The following SLC9A9 variants were observed in gnomAD, a reference collection of about 807,000 sequenced individuals.
SLC9A9 encodes the protein sodium/hydrogen exchanger 9.
In SLC9A9, 62 loss-of-function variants were observed where a neutral mutation model predicts 77.8. The ratio of observed to expected loss-of-function variants is 0.80; its 90% confidence interval spans 0.65 to 0.98. The LOEUF is 0.98. SLC9A9 is among the 50% of genes least tolerant of loss of function. The probability of loss-of-function intolerance (pLI) is 0.00; values close to 1 mark genes in which losing one functional copy is unlikely to be tolerated. For synonymous variants in SLC9A9, 320 were observed against 283.5 expected, an observed-to-expected ratio of 1.13 and a Z score of -1.29; for missense variants, 775 against 774.9, an observed-to-expected ratio of 1.00 and a Z score of 0.00.
intron 12 of SLC9A9, among the ~76,000 whole-genome samples, chr3:143,426,363 A>G (rs1176009312): frequency 6.6e-6 from 1 of 152,226 alleles, no homozygotes; most frequent in African/African-American, 2.4e-5. Context: ...TCACTAGTAT[A>G]GAACTATTTT....
chr3:143,539,329 T>G (rs2036646662), intron 9 of SLC9A9, among the ~76,000 whole-genome samples: 2 of 152,218 alleles, frequency 1.3e-5, no homozygotes, highest in African/African-American at 4.8e-5. Context: ...ATTTTTGAGC[T>G]GTGCCTCCAG....
At chr3:143,809,236 G>A (rs1321222099) in intron 2 of SLC9A9, among the ~76,000 whole-genome samples, 1 of 152,134 alleles carries the variant, frequency 6.6e-6, no homozygotes, top group Non-Finnish European at 1.5e-5. Flanking sequence ...TGCAAAAATC[G>A]GGTTAATCAC....
At chr3:143,463,454 G>T (rs1325750554) in intron 12 of SLC9A9, among the ~76,000 whole-genome samples, 1 of 152,142 alleles carries the variant, frequency 6.6e-6, no homozygotes, top group Admixed American at 6.5e-5. Flanking sequence ...GCAACCATTT[G>T]GTCGATAATC....
chr3:143,448,191 A>C (rs1485839614), intron 12 of SLC9A9, among the ~76,000 whole-genome samples: 1 of 152,174 alleles, frequency 6.6e-6, no homozygotes, highest in Non-Finnish European at 1.5e-5. Flanking sequence ...GCATAGCTCG[A>C]AAGATGAATG....
intron 9 of SLC9A9, among the ~76,000 whole-genome samples, chr3:143,529,119 G>GT (rs1366863703): frequency 1.5e-4 from 23 of 152,304 alleles, no homozygotes; most frequent in Admixed American, 1.4e-3. Flanking sequence ...GTGAGCTAAG[G>GT]TGCTTGAGGG....
At chr3:143,626,653 T>C (rs996057497) in intron 6 of SLC9A9, 5 of 151,984 alleles carry the variant, frequency 3.3e-5, no homozygotes, top group Admixed American at 1.3e-4. Flanking sequence ...CATTTGGAGA[T>C]ATACCTAATG....
intron 9 of SLC9A9, among the ~76,000 whole-genome samples, chr3:143,523,748 T>A (rs902414388): frequency 5.9e-5 from 9 of 152,146 alleles, no homozygotes; most frequent in Non-Finnish European, 1.2e-4. Context: ...GTCCAGCCCA[T>A]AGGGATTCCC....
chr3:143,670,643 T>C (rs1463394977), intron 5 of SLC9A9, among the ~76,000 whole-genome samples: 1 of 152,178 alleles, frequency 6.6e-6, no homozygotes, highest in African/African-American at 2.4e-5. Context: ...TGGCTTGAGG[T>C]ACAGGAGACC....
chr3:143,501,273 A>G (rs193077885), intron 9 of SLC9A9, among the ~76,000 whole-genome samples: 1 of 150,976 alleles, frequency 6.6e-6, no homozygotes, highest in East Asian at 1.9e-4. Context: ...TCTAAGATCT[A>G]TTGTTAAATA....
chr3:143,447,478 A>T (rs1263569726), intron 12 of SLC9A9, among the ~76,000 whole-genome samples: 1 of 152,226 alleles, frequency 6.6e-6, no homozygotes, highest in Non-Finnish European at 1.5e-5. Context: ...TAACCTTAAA[A>T]AAATAAAACA....
intron 14 of SLC9A9, among the ~76,000 whole-genome samples, chr3:143,284,722 A>G (rs1175886804): frequency 1.3e-5 from 2 of 152,176 alleles, no homozygotes; most frequent in Non-Finnish European, 2.9e-5. Context: ...CTCAGTGTCT[A>G]AACATTCTCC....
At chr3:143,530,015 G>A (rs576945547) in intron 9 of SLC9A9, among the ~76,000 whole-genome samples, 5 of 152,114 alleles carry the variant, frequency 3.3e-5, no homozygotes, top group Non-Finnish European at 7.4e-5. Context: ...TTAGAACCCT[G>A]GGAAAGCAGC....
chr3:143,480,691 T>C (rs1222213196), intron 11 of SLC9A9, among the ~76,000 whole-genome samples: 1 of 152,174 alleles, frequency 6.6e-6, no homozygotes, highest in Non-Finnish European at 1.5e-5. Context: ...TCTTCTTAAA[T>C]GGAGAAAGTC....
intron 13 of SLC9A9, among the ~76,000 whole-genome samples, chr3:143,370,729 T>C (rs1299665690): frequency 6.7e-6 from 1 of 149,330 alleles, no homozygotes; most frequent in Non-Finnish European, 1.5e-5. Flanking sequence ...ATTTAGTATT[T>C]TGTATGTGTC....
chr3:143,776,790 C>T (rs2007706081), intron 4 of SLC9A9, among the ~76,000 whole-genome samples: 1 of 151,986 alleles, frequency 6.6e-6, no homozygotes, highest in African/African-American at 2.4e-5. Context: ...ATTTTATTTC[C>T]CCTTTGACAT....
At chr3:143,694,380 T>C (rs1297290788) in intron 4 of SLC9A9, among the ~76,000 whole-genome samples, 3 of 152,132 alleles carry the variant, frequency 2.0e-5, no homozygotes, top group African/African-American at 7.2e-5. Context: ...AACCTGAATA[T>C]CCATGAGGTA....
rs556008993 is a variant in SLC9A9, at chr3:143,266,355, G to A, written c.*347C>T. 5.7e-5 allele frequency: 32 copies of A among 556,738 alleles called. No individual in the cohort carries two copies. The highest frequency in any genetic ancestry group is 9.0e-5 in the Non-Finnish European group (28 of 312,614). 34.5% of individuals were successfully genotyped at this position (556,738 alleles called of 1,614,324 possible). A position where few individuals can be genotyped will look rare whatever the true frequency, so the allele number is the denominator to read the frequency against. On this transcript the variant is annotated 3_prime_UTR_variant, in exon 16 of 16. Transcript: ENST00000316549. The stretch of plus-strand genomic sequence containing the variant: ...GGAGGGAATAAAATCCAGAATAGAA[G>A]TGAAGGGCCTGGAGAGCCGCATTCG...
Position 143,467,108 on chromosome 3 carries a change from C to A in SLC9A9, c.1398G>T (p.Leu466=). ...QPKQMMFTTT[L]LLVFFTVWVF... is the part of the protein sequence containing the mutation. ...CCCAGACAGTGAAGAACACGAGGAG[C>A]AGCGTAGTGGTAAACATCATTTGTT... The change falls in exon 12 of 16, where the codon CTG becomes CTT. Residue 466 remains leucine, a synonymous_variant. Coordinates refer to ENST00000316549, the MANE Select transcript of SLC9A9 (RefSeq NM_173653.4). 1 of 1,614,164 alleles carries A rather than the reference C, an allele frequency of 6.2e-7. No individual in the cohort carries two copies. The highest frequency in any genetic ancestry group is 8.5e-7 in the Non-Finnish European group (1 of 1,180,004).
chr3:143,673,060 G>C (rs866767042), intron 5 of SLC9A9, among the ~76,000 whole-genome samples: 2 of 152,144 alleles, frequency 1.3e-5, no homozygotes, highest in African/African-American at 4.8e-5. Context: ...AAAGGATAAA[G>C]GTGGCTTTTA....
Sources: gnomAD v4.1 joint callset for allele counts (sites outside exome capture counted in the v4.1 genomes callset) on GRCh38, gnomAD v4.1.1 for gene constraint, MANE v1.5 for transcripts, NCBI Gene and HGNC (gene_info 2026-07-23, HGNC 2026-07-21) for gene names.